Variants in GABRR1 observed in about 807,000 individuals in gnomAD.
GABRR1 encodes the protein gamma-aminobutyric acid receptor subunit rho-1.
In GABRR1, 59 loss-of-function variants were observed where a neutral mutation model predicts 55.5. That is an observed-to-expected ratio of 1.06 (90% CI 0.86 to 1.32). The LOEUF (loss-of-function observed/expected upper bound fraction) is 1.32, where lower values mean the gene tolerates loss of function less well. Ranked by LOEUF, GABRR1 falls within the 40% of genes most tolerant of loss-of-function variation. GABRR1 has a pLI of 0.00. For synonymous variants in GABRR1, 213 were observed against 226.0 expected (o/e 0.94, Z 0.51); for missense variants, 602 against 619.1 (o/e 0.97, Z 0.29).
chr6:89,203,352 G>C (rs929226811), intron 2 of GABRR1, 83 bp downstream of exon 2: 1 of 1,224,958 alleles, frequency 8.2e-7, no homozygotes, highest in Non-Finnish European at 1.2e-6. Flanking sequence ...AGGGGTCGGG[G>C]AGGGGCCCTG....
At chr6:89,228,664 T>C (rs1345875783) in intron 1 of GABRR1, among the ~76,000 whole-genome samples, 1 of 126,854 alleles carries the variant, frequency 7.9e-6, no homozygotes, top group African/African-American at 3.2e-5. Flanking sequence ...TTACATTTGC[T>C]GAGGAGAGCT....
chr6:89,180,021 C>T (rs1049452228), intron 9 of GABRR1, among the ~76,000 whole-genome samples: 2 of 152,110 alleles, frequency 1.3e-5, no homozygotes, highest in Non-Finnish European at 2.9e-5. Flanking sequence ...ATGAACATCA[C>T]CAAGATGTTC....
chr6:89,195,463 C>G (rs1168038936), intron 5 of GABRR1, among the ~76,000 whole-genome samples: 1 of 125,684 alleles, frequency 8.0e-6, no homozygotes, highest in Non-Finnish European at 1.7e-5. Flanking sequence ...ACTCCGTCTC[C>G]AAAAAAAAAA....
intron 1 of GABRR1, among the ~76,000 whole-genome samples, chr6:89,206,619 T>A (rs1259123045): frequency 2.3e-5 from 2 of 86,686 alleles, no homozygotes; most frequent in Admixed American, 1.4e-4. Flanking sequence ...GAGACTGTAC[T>A]TTTTTTTTTT....
At chr6:89,209,839 C>G (rs987775423) in intron 1 of GABRR1, among the ~76,000 whole-genome samples, 3 of 152,074 alleles carry the variant, frequency 2.0e-5, no homozygotes, top group Non-Finnish European at 4.4e-5. Context: ...TCTCAGTTTC[C>G]TATAAGATGG....
At chr6:89,203,807 C>G (rs1377473949) in intron 1 of GABRR1, among the ~76,000 whole-genome samples, 1 of 152,200 alleles carries the variant, frequency 6.6e-6, no homozygotes, top group African/African-American at 2.4e-5. Flanking sequence ...TACACTTTAA[C>G]TTTGATCCAC....
intron 1 of GABRR1, chr6:89,204,676 C>A: frequency 1.6e-6 from 2 of 1,288,196 alleles, no homozygotes; most frequent in Non-Finnish European, 2.0e-6. Context: ...ACTGCCTTTG[C>A]CTTCATGAAG....
chr6:89,230,575 GGGGGTCA>G (rs1361069870), intron 1 of GABRR1, among the ~76,000 whole-genome samples: 8 of 152,202 alleles, frequency 5.3e-5, no homozygotes, highest in African/African-American at 1.7e-4. Flanking sequence ...TAGGCTGCTC[GGGGGTCA>G]GGGGTCAGGG....
At chr6:89,190,382 G>T in intron 5 of GABRR1, 135 bp from the exon 6 acceptor site, 1 of 564,060 alleles carries the variant, frequency 1.8e-6, no homozygotes, top group Non-Finnish European at 3.1e-6. Context: ...ATGTGTCAGG[G>T]TTTAGATAAG....
chr6:89,209,046 C>T lies in GABRR1; in HGVS notation c.123-5561G>A, dbSNP rs920663512. On this transcript the variant is annotated intron_variant, in intron 1 of 9. Transcript: ENST00000454853. ...GTGGGCCCCTAACACACAGACAGCCCTGGCCTGCTACTGCCTTGCCACAGA... is the reference window on the plus strand; with the variant it reads ...GTGGGCCCCTAACACACAGACAGCCTTGGCCTGCTACTGCCTTGCCACAGA... Among the ~76,000 whole-genome samples the T allele has an allele frequency of 4.6e-5, 7 of 152,304 alleles. No individual in the cohort carries two copies. The South Asian group carries it at 1.4e-3, about 32-fold the overall frequency.
In GABRR1 at chr6:89,198,256, G is replaced by A; in HGVS notation, c.349-13C>T. 6.3e-7 allele frequency: 1 copy of A among 1,581,702 alleles called. No individual in the cohort carries two copies. Among genetic ancestry groups the A allele is most frequent in the Non-Finnish European group, 8.7e-7 (1 of 1,150,672 alleles). On this transcript the variant is annotated splice_polypyrimidine_tract_variant and intron_variant, in intron 4 of 9. Transcript: ENST00000454853. ...TCATCGTAAAGTCCTGGGAGCAGAA[G>A]GGCAGAGAGGGAACCCCAGACACAC...
Position 89,196,873 on chromosome 6 carries a change from AAGAAAGAG to A in GABRR1, c.572+1139_572+1146del, listed in dbSNP as rs757494856. Among the ~76,000 whole-genome samples, 1,200 of 140,854 alleles carry A rather than the reference AAGAAAGAG, an allele frequency of 8.5e-3. 28 individuals are homozygous for A. Among genetic ancestry groups the A allele is most frequent in the African/African-American group, 0.025 (961 of 38,006 alleles). 92.4% of individuals were successfully genotyped at this position (140,854 alleles called of 152,430 possible). A position where few individuals can be genotyped will look rare whatever the true frequency, so the allele number is the denominator to read the frequency against. On this transcript the variant is annotated intron_variant, in intron 5 of 9. Transcript: ENST00000454853. ...AAAGAAAGAAAGAAAGAAAGAAAGA[AAGAAAGAG>A]AAGAGAAGAAAAAAGAAAAGAAAAT...
chr6:89,191,477 C>T (rs891643595), intron 5 of GABRR1, among the ~76,000 whole-genome samples: 1 of 152,180 alleles, frequency 6.6e-6, no homozygotes, highest in Non-Finnish European at 1.5e-5. Context: ...AAATGTTTTG[C>T]TACGAACAAG....
At chr6:89,229,189 A>G (rs1211984509) in intron 1 of GABRR1, among the ~76,000 whole-genome samples, 1 of 151,798 alleles carries the variant, frequency 6.6e-6, no homozygotes. Context: ...TGAATACAGC[A>G]CACTGATGGG....
At chr6:89,207,506 A>G (rs1772688953) in intron 1 of GABRR1, among the ~76,000 whole-genome samples, 1 of 152,214 alleles carries the variant, frequency 6.6e-6, no homozygotes, top group African/African-American at 2.4e-5. Flanking sequence ...AGGTGAGGCA[A>G]TGTTAATAAA....
intron 1 of GABRR1, among the ~76,000 whole-genome samples, chr6:89,214,391 A>ATC (rs1254574694): frequency 6.6e-6 from 1 of 151,504 alleles, no homozygotes; most frequent in Non-Finnish European, 1.5e-5. Context: ...AAAAGCAAAT[A>ATC]GACAAATGAG....
At chr6:89,204,610 AG>A in intron 1 of GABRR1, 1 of 1,269,674 alleles carries the variant, frequency 7.9e-7, no homozygotes. Flanking sequence ...ACTTTGGGCC[AG>A]CCTGAAATGG....
In GABRR1 at chr6:89,198,042, C is replaced by A. The variant is rs762356649; in HGVS notation, c.550G>T (p.Gly184Trp). The change falls in exon 5 of 10, where the codon GGG (glycine) becomes TGG (tryptophan). Residue 184 changes from glycine to tryptophan, a missense_variant. Physicochemically the swap from Gly to Trp is radical, Grantham distance 184. Around this residue, in one of 3 missense-constraint regions of GABRR1, gnomAD observed 435 missense variants for 424.2 expected, o/e 1.03. Coordinates refer to ENST00000454853, the MANE Select transcript of GABRR1 (RefSeq NM_002042.5). ...DNVMLRVQPD[G>W]KVLYSLRVTV... ...TACCTGAGACTATAGAGCACTTTCC[C>A]ATCAGGCTGGACCCGCAACATGACG... The A allele has an allele frequency of 6.2e-7, 1 of 1,614,054 alleles. No homozygotes were observed. The highest frequency in any genetic ancestry group is 1.7e-5 in the Admixed American group (1 of 60,020).
chr6:89,194,059 G>A (rs143597965), intron 5 of GABRR1, among the ~76,000 whole-genome samples: 56 of 152,240 alleles, frequency 3.7e-4, no homozygotes, highest in African/African-American at 1.2e-3. Context: ...TTAACCAACA[G>A]GAAGCATCAT....
Sources: allele counts gnomAD v4.1 joint callset (sites outside exome capture counted in the v4.1 genomes callset), GRCh38; gene constraint gnomAD v4.1.1; regional missense constraint gnomAD v4.1.1; transcripts MANE v1.5; gene names NCBI Gene and HGNC (gene_info 2026-07-23, HGNC 2026-07-21).